ATG16L2: variants seen among roughly 807,000 people sequenced by gnomAD.
The protein encoded by ATG16L2 is protein Atg16l2.
A neutral mutation model predicts 84.7 loss-of-function variants in ATG16L2; 77 were observed. The observed-to-expected ratio is 0.91, with a 90% CI of 0.76 to 1.10. The LOEUF (loss-of-function observed/expected upper bound fraction) is 1.10, where lower values mean the gene tolerates loss of function less well. ATG16L2 is among the 50% of genes least tolerant of loss of function. The pLI is 0.00. For synonymous variants in ATG16L2, 361 were observed against 342.8 expected, an observed-to-expected ratio of 1.05 and a Z score of -0.59; for missense variants, 782 against 817.6, an observed-to-expected ratio of 0.96 and a Z score of 0.53.
chr11:72,837,434 T>C (rs1453630681), intron 5 of ATG16L2: 4 of 151,120 alleles, frequency 2.6e-5, no homozygotes, highest in African/African-American at 4.9e-5. Flanking sequence ...ACTTGTAGAT[T>C]AAATTCTGCA....
In ATG16L2 at chr11:72,828,885, C is replaced by T. The variant is rs369947367; in HGVS notation, c.1673C>T (p.Pro558Leu). 24 of 1,614,032 alleles carry T rather than the reference C, an allele frequency of 1.5e-5. No homozygotes were observed. Among genetic ancestry groups the T allele is most frequent in the East Asian group, 2.2e-5 (1 of 44,898 alleles). The change falls in exon 17 of 18, where the codon CCG becomes CTG. Residue 558 changes from proline to leucine, a missense_variant and splice_region_variant. By Grantham distance (98) the Pro-to-Leu change is moderately conservative. Coordinates refer to ENST00000321297, the MANE Select transcript of ATG16L2 (RefSeq NM_033388.2). ...TTGCTCTGCTGTGGCCACTACAGCC[C>T]GGACAGAAGCTATGCACTGGCAGGC... is the stretch of plus-strand genomic sequence containing the variant. ...GSDWTKAVFS[P>L]DRSYALAGSC...
chr11:72,823,030 T>A, intron 7 of ATG16L2, 69 bp downstream of exon 7: 1 of 1,143,084 alleles, frequency 8.7e-7, no homozygotes, highest in Non-Finnish European at 1.2e-6. Context: ...AGGGTCTTCC[T>A]CTTGGACCTT....
At chr11:72,836,431 T>C (rs933682573) in intron 5 of ATG16L2, among the ~76,000 whole-genome samples, 1 of 152,208 alleles carries the variant, frequency 6.6e-6, no homozygotes, top group Non-Finnish European at 1.5e-5. Flanking sequence ...AGCTCCCTCC[T>C]CAGCTGCCTC....
At chr11:72,833,304 C>T (rs1860646335), downstream of ATG16L2, among the ~76,000 whole-genome samples, 1 of 152,234 alleles carries the variant, frequency 6.6e-6, no homozygotes, top group Non-Finnish European at 1.5e-5. Flanking sequence ...GATACAGGCT[C>T]TTCCACTGGA....
chr11:72,828,886 G>A lies in ATG16L2; in HGVS notation c.1674G>A (p.Pro558=), dbSNP rs748358860. The A allele has an allele frequency of 7.9e-5, 127 of 1,614,032 alleles. No individual in the cohort carries two copies. In the Admixed American group the frequency reaches 2.0e-3, roughly 25 times the overall value. ...GSDWTKAVFS[P]DRSYALAGSC... ...TGCTCTGCTGTGGCCACTACAGCCC[G>A]GACAGAAGCTATGCACTGGCAGGCT... is the stretch of plus-strand genomic sequence containing the variant. The change falls in exon 17 of 18, where the codon CCG becomes CCA. Residue 558 remains proline (P), a synonymous_variant. Transcript: ENST00000321297.
downstream of ATG16L2, among the ~76,000 whole-genome samples, chr11:72,829,970 C>G: frequency 6.6e-6 from 1 of 152,116 alleles, no homozygotes; most frequent in East Asian, 1.9e-4. Context: ...GGAGGCAGCC[C>G]AGAGGGGTCC....
At chr11:72,829,249 G>C in intron 17 of ATG16L2, 54 bp from the exon 18 acceptor site, 1 of 1,585,342 alleles carries the variant, frequency 6.3e-7, no homozygotes, top group Non-Finnish European at 8.6e-7. Context: ...GCAGAGCCAG[G>C]TTGCAGGCGC....
At chr11:72,821,107 C>A in intron 3 of ATG16L2, 1 of 489,362 alleles carries the variant, frequency 2.0e-6, no homozygotes, top group Non-Finnish European at 2.7e-6. Flanking sequence ...GAGGGTGATG[C>A]AGTTAGGTAG....
chr11:72,826,699 A>T lies in ATG16L2; in HGVS notation c.1246-4A>T, dbSNP rs749980446. On this transcript the variant is annotated splice_region_variant and splice_polypyrimidine_tract_variant and intron_variant, in intron 12 of 17. Coordinates refer to ENST00000321297, the MANE Select transcript of ATG16L2 (RefSeq NM_033388.2). ...CTTGATCCGTACCTGGGGCCGGGGT[A>T]CAGGAGACACTGTCTGGACACAAGG... 2 of 1,614,102 alleles carry T rather than the reference A, an allele frequency of 1.2e-6. No homozygotes were observed. The highest frequency in any genetic ancestry group is 2.2e-5 in the South Asian group (2 of 91,080).
intron 5 of ATG16L2, among the ~76,000 whole-genome samples, chr11:72,835,203 G>A (rs974905561): frequency 2.6e-5 from 4 of 152,258 alleles, no homozygotes; most frequent in Non-Finnish European, 4.4e-5. Flanking sequence ...TTCACTGGCA[G>A]GGAAGTCAGA....
At chr11:72,833,698 ATCACCTGAGG>A (rs1591320431), downstream of ATG16L2, among the ~76,000 whole-genome samples, 2 of 152,240 alleles carry the variant, frequency 1.3e-5, no homozygotes, top group East Asian at 3.9e-4. Context: ...GGGCAGGTGG[ATCACCTGAGG>A]TCAGGAGTTT....
rs1400453840 is a variant in ATG16L2 at position 72,816,910 on chromosome 11, C to G, written c.218+83C>G. ...GCTGCCTGTGCTGGGTTCATTCTCT[C>G]CCTAGTGCCTCATCAGCCCTTGGCT... On this transcript the variant is annotated intron_variant, in intron 2 of 17. Transcript: ENST00000321297. 2 of 1,205,172 alleles carry G rather than the reference C, an allele frequency of 1.7e-6. 1 individual carries two copies. The highest frequency in any genetic ancestry group is 2.5e-5 in the South Asian group (2 of 79,626). 74.7% of individuals were successfully genotyped at this position (1,205,172 alleles called of 1,614,324 possible).
chr11:72,821,966 C>A, intron 4 of ATG16L2, 78 bp from the exon 5 acceptor site: 1 of 1,439,694 alleles, frequency 6.9e-7, no homozygotes, highest in Non-Finnish European at 9.1e-7. Flanking sequence ...GCAGGTCTGT[C>A]TCTGCTCCGA....
intron 9 of ATG16L2, 81 bp from the exon 10 acceptor site, chr11:72,825,221 G>A (rs751552870): frequency 1.7e-5 from 18 of 1,078,802 alleles, no homozygotes; most frequent in Non-Finnish European, 2.5e-5. Flanking sequence ...TGTCTGCACA[G>A]GCACCGGTAA....
At chr11:72,824,899 G>C (rs1284373536) in intron 9 of ATG16L2, 57 bp downstream of exon 9, 5 of 1,433,886 alleles carry the variant, frequency 3.5e-6, no homozygotes, top group Non-Finnish European at 4.7e-6. Context: ...GCAGGCACAG[G>C]GGTGGTCTCG....
chr11:72,815,143 A>C (rs1321975875), intron 1 of ATG16L2, among the ~76,000 whole-genome samples: 1 of 152,200 alleles, frequency 6.6e-6, no homozygotes, highest in Non-Finnish European at 1.5e-5. Context: ...ATGCTGGCTG[A>C]GCCCAGCGAA....
chr11:72,831,611 T>C (rs1451464013), downstream of ATG16L2, among the ~76,000 whole-genome samples: 1 of 152,184 alleles, frequency 6.6e-6, no homozygotes, highest in Non-Finnish European at 1.5e-5. Flanking sequence ...GCCCCAGCCC[T>C]CATGCCCTGG....
chr11:72,824,133 G>C lies in ATG16L2; in HGVS notation c.887+11G>C, dbSNP rs1160766008. 3 of 1,614,182 alleles carry C rather than the reference G, an allele frequency of 1.9e-6. No homozygotes were observed. Among genetic ancestry groups the C allele is most frequent in the Non-Finnish European group, 2.5e-6 (3 of 1,180,016 alleles). On this transcript the variant is annotated intron_variant, in intron 8 of 17. Transcript: ENST00000321297. Reference sequence around the variant, plus strand: ...GAAGGGGCTTCTGGAGTAAGTGTGTGTGTGCCTGTGTGTGCACCCACGTGT... The same window carrying C: ...GAAGGGGCTTCTGGAGTAAGTGTGTCTGTGCCTGTGTGTGCACCCACGTGT...
At chr11:72,821,551 G>A in intron 3 of ATG16L2, 117 bp from the exon 4 acceptor site, 1 of 1,481,728 alleles carries the variant, frequency 6.7e-7, no homozygotes, top group Non-Finnish European at 8.9e-7. Context: ...GGCTCAGCTT[G>A]CTTTTCAGGA....
Sources: gnomAD v4.1 joint callset for allele counts (sites outside exome capture counted in the v4.1 genomes callset) on GRCh38, gnomAD v4.1.1 for gene constraint, MANE v1.5 for transcripts, NCBI Gene and HGNC (gene_info 2026-07-23, HGNC 2026-07-21) for gene names.